Variants in IGF2BP3 observed in about 807,000 individuals in gnomAD.
IGF2BP3 encodes the protein insulin like growth factor 2 mRNA binding protein 3, also known as insulin-like growth factor 2 mRNA-binding protein 3.
In IGF2BP3, 9 loss-of-function variants were observed where a neutral mutation model predicts 73.8. That is an observed-to-expected ratio of 0.12 (90% CI 0.07 to 0.21). IGF2BP3 has a LOEUF of 0.21. Ranked by LOEUF, IGF2BP3 falls within the 10% of genes least tolerant of loss-of-function variation. The pLI is 1.00. For missense variants in IGF2BP3, 542 were observed against 714.0 expected (o/e 0.76, Z 2.75); for synonymous variants, 258 against 256.7 (o/e 1.01, Z -0.05).
intron 3 of IGF2BP3, among the ~76,000 whole-genome samples, chr7:23,363,886 A>C (rs1350513113): frequency 6.6e-6 from 1 of 152,248 alleles, no homozygotes; most frequent in Non-Finnish European, 1.5e-5. Context: ...GCCAAAAATT[A>C]AGAAACCTCT....
chr7:23,460,763 A>C (rs1788432300), intron 2 of IGF2BP3, among the ~76,000 whole-genome samples: 1 of 152,156 alleles, frequency 6.6e-6, no homozygotes, highest in Non-Finnish European at 1.5e-5. Context: ...CATTCTGGCC[A>C]ACATGGTGAA....
intron 3 of IGF2BP3, among the ~76,000 whole-genome samples, chr7:23,404,396 A>T (rs1786763948): frequency 6.6e-6 from 1 of 152,194 alleles, no homozygotes; most frequent in African/African-American, 2.4e-5. Context: ...CAATCTTTGT[A>T]TATATACCTG....
Position 23,410,341 on chromosome 7 carries a change from G to A in IGF2BP3, c.285+8435C>T, listed in dbSNP as rs115166369. ...CACTGCACTCCAGCCTGGGCGATAG[G>A]AGTCAAGATTCTGTCTCAATCAACT... On this transcript the variant is annotated intron_variant, in intron 3 of 14. Transcript: ENST00000258729. Among the ~76,000 whole-genome samples the A allele has an allele frequency of 4.0e-3, 614 of 152,228 alleles. 5 individuals are homozygous for A. Among genetic ancestry groups the A allele is most frequent in the African/African-American group, 0.013 (551 of 41,536 alleles).
intron 10 of IGF2BP3, among the ~76,000 whole-genome samples, chr7:23,340,369 G>C (rs1309842135): frequency 2.0e-5 from 3 of 152,140 alleles, no homozygotes; most frequent in Non-Finnish European, 4.4e-5. Flanking sequence ...GAGGGCAACT[G>C]CTTAGAACCC....
At chr7:23,451,780 C>T (rs1054028538) in intron 2 of IGF2BP3, among the ~76,000 whole-genome samples, 6 of 151,298 alleles carry the variant, frequency 4.0e-5, no homozygotes, top group African/African-American at 1.5e-4. Context: ...GAAACCCTGT[C>T]CTACTGAAAA....
intron 2 of IGF2BP3, among the ~76,000 whole-genome samples, chr7:23,442,917 C>T (rs1046411397): frequency 6.6e-6 from 1 of 151,824 alleles, no homozygotes; most frequent in African/African-American, 2.4e-5. Context: ...TACCATAAAA[C>T]CAGGTAACTA....
chr7:23,364,625 C>T (rs1785323473), intron 3 of IGF2BP3, among the ~76,000 whole-genome samples: 1 of 145,322 alleles, frequency 6.9e-6, no homozygotes. Flanking sequence ...TACTTATTTT[C>T]TAAACAAAAA....
chr7:23,370,176 C>T (rs1785502409), intron 3 of IGF2BP3, among the ~76,000 whole-genome samples: 1 of 152,188 alleles, frequency 6.6e-6, no homozygotes, highest in African/African-American at 2.4e-5. Flanking sequence ...CTCTCGTCAT[C>T]TCCCTAATAC....
At chr7:23,428,643 A>G (rs1374609538) in intron 2 of IGF2BP3, among the ~76,000 whole-genome samples, 1 of 151,058 alleles carries the variant, frequency 6.6e-6, no homozygotes, top group African/African-American at 2.4e-5. Flanking sequence ...CGAAGTTGAG[A>G]GGCTACAGTA....
intron 2 of IGF2BP3, among the ~76,000 whole-genome samples, chr7:23,450,398 A>T (rs1788170315): frequency 6.6e-6 from 1 of 152,204 alleles, no homozygotes; most frequent in Non-Finnish European, 1.5e-5. Context: ...GAATAAAATG[A>T]GTCTGTCACT....
chr7:23,343,965 AAAGTGGGTGGTAAAACATG>A, intron 8 of IGF2BP3, 112 bp from the exon 9 acceptor site: 2 of 1,016,060 alleles, frequency 2.0e-6, no homozygotes, highest in Non-Finnish European at 2.9e-6. Context: ...GTAATATGTA[AAAGTGGGTGGTAAAACATG>A]ATGGGAAATG....
chr7:23,408,384 G>A (rs1415354161), intron 3 of IGF2BP3, among the ~76,000 whole-genome samples: 1 of 151,914 alleles, frequency 6.6e-6, no homozygotes, highest in Non-Finnish European at 1.5e-5. Flanking sequence ...AATGTCAAAG[G>A]ATATAAGGTC....
chr7:23,430,317 TC>T (rs1787638879), intron 2 of IGF2BP3, among the ~76,000 whole-genome samples: 2 of 152,186 alleles, frequency 1.3e-5, no homozygotes, highest in Admixed American at 6.5e-5. Context: ...ACTCCTGACC[TC>T]GTGATCCGCC....
intron 2 of IGF2BP3, chr7:23,431,283 C>G (rs1787669728): frequency 6.6e-6 from 1 of 152,110 alleles, no homozygotes; most frequent in Non-Finnish European, 1.5e-5. Context: ...TTGTTTCTAG[C>G]CAGCAGCATA....
chr7:23,349,757 T>C (rs1033343523), intron 6 of IGF2BP3, among the ~76,000 whole-genome samples: 1 of 152,222 alleles, frequency 6.6e-6, no homozygotes, highest in Non-Finnish European at 1.5e-5. Context: ...CCCATCTTCC[T>C]GCCTTAAGTA....
intron 3 of IGF2BP3, among the ~76,000 whole-genome samples, chr7:23,383,474 T>C (rs1049213455): frequency 6.6e-6 from 1 of 152,144 alleles, no homozygotes; most frequent in East Asian, 1.9e-4. Flanking sequence ...AAAAGTCAGA[T>C]CATACCAAGT....
intron 3 of IGF2BP3, among the ~76,000 whole-genome samples, chr7:23,382,581 T>G (rs1785945429): frequency 6.6e-6 from 1 of 152,108 alleles, no homozygotes; most frequent in Admixed American, 6.6e-5. Flanking sequence ...TATATCACAA[T>G]CAGTGCCTCA....
chr7:23,366,077 T>C (rs944373097), intron 3 of IGF2BP3: 1 of 152,110 alleles, frequency 6.6e-6, no homozygotes, highest in African/African-American at 2.4e-5. Context: ...CAAAATTGCC[T>C]GTATAGTTAA....
chr7:23,469,388 C>T lies in IGF2BP3; in HGVS notation c.175+548G>A, dbSNP rs1788650580. 6.6e-6 allele frequency: 1 copy of T among 152,268 alleles called. No homozygotes were observed. Among genetic ancestry groups the T allele is most frequent in the Non-Finnish European group, 1.5e-5 (1 of 68,114 alleles). The allele number at this position is 152,268 out of a possible 1,614,324, so 9.4% of individuals were successfully genotyped here. A position where few individuals can be genotyped will look rare whatever the true frequency, so the allele number is the denominator to read the frequency against. On this transcript the variant is annotated intron_variant, in intron 1 of 14. Transcript: ENST00000258729. The surrounding 1 kb of genome is among the most constrained non-coding windows in gnomAD (Gnocchi z 6.1). The stretch of plus-strand genomic sequence containing the variant: ...GGAACGGGGAAACCGGGCACACACT[C>T]TCTCCTCCCACAGGGTGGGGAGGAA...
Sources: gnomAD v4.1 joint callset for allele counts (sites outside exome capture counted in the v4.1 genomes callset) on GRCh38, gnomAD v4.1.1 for gene constraint, Gnocchi (gnomAD v3.1) non-coding constraint, MANE v1.5 for transcripts, NCBI Gene and HGNC (gene_info 2026-07-23, HGNC 2026-07-21) for gene names.